The following GLIS3 variants were observed in gnomAD, a reference collection of about 807,000 sequenced individuals.
The protein encoded by GLIS3 is GLIS family zinc finger 3.
Under a neutral mutation model 78.6 loss-of-function variants are expected in GLIS3, and 53 were observed. The ratio of observed to expected loss-of-function variants is 0.67; its 90% CI spans 0.54 to 0.85. The LOEUF is 0.85. Ranked by LOEUF, GLIS3 falls within the 40% of genes least tolerant of loss-of-function variation. The probability of loss-of-function intolerance (pLI) is 0.00; values close to 1 mark genes in which losing one functional copy is unlikely to be tolerated. For missense variants in GLIS3, 1,703 were observed against 1,231.1 expected, an observed-to-expected ratio of 1.38 and a Z score of -5.74; for synonymous variants, 684 against 509.9, an observed-to-expected ratio of 1.34 and a Z score of -4.60.
intron 2 of GLIS3, among the ~76,000 whole-genome samples, chr9:4,228,102 G>A (rs1821931422): frequency 6.7e-6 from 1 of 150,300 alleles, no homozygotes; most frequent in South Asian, 2.1e-4. Flanking sequence ...CAGTTATCAA[G>A]TGATCAGGGC....
At chr9:4,137,518 C>T (rs538032605) in intron 2 of GLIS3, among the ~76,000 whole-genome samples, 1 of 152,260 alleles carries the variant, frequency 6.6e-6, no homozygotes, top group Admixed American at 6.5e-5. Context: ...CTTTCTGTAC[C>T]ACTCAGTGCC....
chr9:4,074,326 A>C (rs866401462), intron 4 of GLIS3, among the ~76,000 whole-genome samples: 2 of 152,136 alleles, frequency 1.3e-5, no homozygotes, highest in African/African-American at 4.8e-5. Flanking sequence ...GAAATTCTAG[A>C]AATTTAGTTC....
intron 7 of GLIS3, 143 bp downstream of exon 7, chr9:3,898,548 G>T: frequency 1.2e-6 from 1 of 858,518 alleles, no homozygotes; most frequent in East Asian, 2.6e-5. Flanking sequence ...AATCAGAAGG[G>T]GTGGAGAGCA....
upstream of GLIS3, among the ~76,000 whole-genome samples, chr9:4,350,809 G>GT (rs67515016): frequency 5.8e-4 from 81 of 139,018 alleles, no homozygotes; most frequent in African/African-American, 2.1e-3. Flanking sequence ...GTTTTGTTTT[G>GT]TTTTTGTTTT....
chr9:4,479,300 A>T, the GLIS3 span, among the ~76,000 whole-genome samples: 3 of 152,188 alleles, frequency 2.0e-5, no homozygotes, highest in South Asian at 4.1e-4. Context: ...ACCAAATGTC[A>T]TGTGTGGACT....
chr9:3,877,442 T>C (rs1821391901), intron 8 of GLIS3, among the ~76,000 whole-genome samples: 3 of 152,232 alleles, frequency 2.0e-5, no homozygotes, highest in Admixed American at 2.0e-4. Context: ...CAGCATCTTC[T>C]GATTCATATT....
chr9:3,932,229 T>A, intron 6 of GLIS3, 131 bp downstream of exon 6: 1 of 704,214 alleles, frequency 1.4e-6, no homozygotes, highest in Non-Finnish European at 2.6e-6. Flanking sequence ...GAGACTTACC[T>A]CCTCAAACGG....
chr9:4,037,381 G>A (rs574913752), intron 4 of GLIS3, among the ~76,000 whole-genome samples: 8 of 152,270 alleles, frequency 5.3e-5, no homozygotes, highest in Admixed American at 5.2e-4. Context: ...TGGTAAAAGT[G>A]TCGATCTGAT....
chr9:4,052,953 AATTTTT>A (rs1563989643), intron 4 of GLIS3, among the ~76,000 whole-genome samples: 2 of 151,980 alleles, frequency 1.3e-5, no homozygotes, highest in Non-Finnish European at 2.9e-5. Flanking sequence ...TTAGTATTTT[AATTTTT>A]ATTTTTTTGA....
At chr9:4,454,675 C>A in the GLIS3 span, among the ~76,000 whole-genome samples, 2 of 152,200 alleles carry the variant, frequency 1.3e-5, no homozygotes, top group African/African-American at 2.4e-5. Context: ...AAGAGCTACT[C>A]TCCTCTATTG....
At chr9:4,260,708 T>C (rs912530023) in intron 2 of GLIS3, among the ~76,000 whole-genome samples, 1 of 151,972 alleles carries the variant, frequency 6.6e-6, no homozygotes, top group African/African-American at 2.4e-5. Context: ...ATCGTGCCAC[T>C]GTACTCCAGC....
At chr9:4,057,797 C>T (rs969732925) in intron 4 of GLIS3, among the ~76,000 whole-genome samples, 5 of 152,022 alleles carry the variant, frequency 3.3e-5, no homozygotes, top group Non-Finnish European at 7.4e-5. Context: ...ACTTTTAATG[C>T]TATAAGAGAA....
At chr9:4,183,442 C>A (rs1185044327) in intron 2 of GLIS3, among the ~76,000 whole-genome samples, 4 of 152,170 alleles carry the variant, frequency 2.6e-5, no homozygotes, top group Non-Finnish European at 5.9e-5. Flanking sequence ...ATTCATTTAG[C>A]CTCATTCCCA....
At chr9:4,174,252 C>G (rs1816632485) in intron 2 of GLIS3, among the ~76,000 whole-genome samples, 1 of 152,108 alleles carries the variant, frequency 6.6e-6, no homozygotes, top group Admixed American at 6.6e-5. Context: ...TTGTTATCAG[C>G]AAAGTAAACA....
the GLIS3 span, among the ~76,000 whole-genome samples, chr9:4,374,973 T>C: frequency 6.7e-6 from 1 of 149,782 alleles, no homozygotes; most frequent in Admixed American, 6.7e-5. Flanking sequence ...TTGCAACAGT[T>C]TGCCGCTAGA....
intron 2 of GLIS3, among the ~76,000 whole-genome samples, chr9:4,256,535 A>G (rs1824958564): frequency 6.6e-6 from 1 of 152,236 alleles, no homozygotes; most frequent in African/African-American, 2.4e-5. Context: ...CTTTGGAAAT[A>G]GAAACTGGTA....
At chr9:4,195,350 G>A (rs998411405) in intron 2 of GLIS3, among the ~76,000 whole-genome samples, 3 of 152,212 alleles carry the variant, frequency 2.0e-5, no homozygotes, top group African/African-American at 2.4e-5. Flanking sequence ...AGGCCAGCGC[G>A]AGTTCTGGGT....
At chr9:4,260,089 TCAGGCCAAATCCC>T (rs1464353659) in intron 2 of GLIS3, among the ~76,000 whole-genome samples, 1 of 152,174 alleles carries the variant, frequency 6.6e-6, no homozygotes, top group African/African-American at 2.4e-5. Flanking sequence ...TCTACACACT[TCAGGCCAAATCCC>T]CATACCCTTC....
the GLIS3 span, among the ~76,000 whole-genome samples, chr9:4,426,273 A>G: frequency 1.3e-5 from 2 of 152,192 alleles, no homozygotes; most frequent in Admixed American, 6.5e-5. Flanking sequence ...CATAGGATTT[A>G]CTGTTTTTAT....
Sources: gnomAD v4.1 joint callset for allele counts (sites outside exome capture counted in the v4.1 genomes callset) on GRCh38, gnomAD v4.1.1 for gene constraint, MANE v1.5 for transcripts, NCBI Gene and HGNC (gene_info 2026-07-23, HGNC 2026-07-21) for gene names.